KBTBD12: variants seen among roughly 807,000 people sequenced by gnomAD.
The protein encoded by KBTBD12 is kelch repeat and BTB domain containing 12, also known as kelch repeat and BTB domain-containing protein 12.
Under a neutral mutation model 58.7 loss-of-function variants are expected in KBTBD12, and 53 were observed. That is an observed-to-expected ratio of 0.90 (90% CI 0.72 to 1.14). The LOEUF (loss-of-function observed/expected upper bound fraction) is 1.14. Ranked by LOEUF, KBTBD12 falls within the 50% of genes most tolerant of loss-of-function variation. The probability of loss-of-function intolerance (pLI) is 0.00; values close to 1 mark genes in which losing one functional copy is unlikely to be tolerated. For synonymous variants in KBTBD12, 236 were observed against 259.8 expected (o/e 0.91, Z 0.88); for missense variants, 704 against 751.3 (o/e 0.94, Z 0.74).
At chr3:127,926,375 G>T (rs1412193459) in intron 2 of KBTBD12, among the ~76,000 whole-genome samples, 1 of 152,072 alleles carries the variant, frequency 6.6e-6, no homozygotes, top group African/African-American at 2.4e-5. Flanking sequence ...TACTTTGGTA[G>T]CCCCCACATA....
chr3:127,922,825 CTT>C, intron 1 of KBTBD12, 123 bp from the exon 2 acceptor site: 1 of 334,576 alleles, frequency 3.0e-6, no homozygotes, highest in Non-Finnish European at 5.4e-6. Context: ...AAGTAGTTGT[CTT>C]AAACTGCTCT....
At chr3:127,944,857 C>CTATTT (rs1372695230) in intron 4 of KBTBD12, among the ~76,000 whole-genome samples, 2 of 151,810 alleles carry the variant, frequency 1.3e-5, no homozygotes, top group Non-Finnish European at 2.9e-5. Context: ...ACATTTTATT[C>CTATTT]TATTTTATTT....
chr3:127,928,473 G>A (rs781090890), intron 3 of KBTBD12, among the ~76,000 whole-genome samples: 9 of 152,228 alleles, frequency 5.9e-5, no homozygotes, highest in Non-Finnish European at 7.3e-5. Context: ...ACCGATCTGT[G>A]ATGGCACAAT....
chr3:127,972,572 T>C (rs1445151323), intron 5 of KBTBD12, among the ~76,000 whole-genome samples: 1 of 152,206 alleles, frequency 6.6e-6, no homozygotes, highest in Non-Finnish European at 1.5e-5. Context: ...AGGAAGTTGC[T>C]GTATTGTTGG....
intron 4 of KBTBD12, among the ~76,000 whole-genome samples, chr3:127,954,902 T>G (rs1170574456): frequency 6.6e-6 from 1 of 152,210 alleles, no homozygotes; most frequent in South Asian, 2.1e-4. Context: ...CCCATCTCCT[T>G]GTAGTGGTTT....
chr3:127,923,521 A>G lies in KBTBD12; in HGVS notation c.460A>G (p.Lys154Glu). Residue 154 changes from lysine to glutamate, a missense_variant, in exon 2 of 6, where the codon AAA (lysine) becomes GAA (glutamate). Coordinates refer to ENST00000405109, the MANE Select transcript of KBTBD12 (RefSeq NM_207335.4). ...TGAAGATTTATCTGATCGATCAAAGAAATATTTATATCAGCACTTTGCCGA... is the reference window on the plus strand; with the variant it reads ...TGAAGATTTATCTGATCGATCAAAGGAATATTTATATCAGCACTTTGCCGA... ...GAEDLSDRSK[K>E]YLYQHFAEVS... 1 of 1,611,966 alleles carries G rather than the reference A, an allele frequency of 6.2e-7. No individual in the cohort carries two copies. The highest frequency in any genetic ancestry group is 8.5e-7 in the Non-Finnish European group (1 of 1,179,190).
rs143738485 is a variant in KBTBD12, at chr3:127,923,038, G to C, written c.-24G>C. ...TCAAGCTACACTTAAAGAAGACTTA[G>C]TTGGAAACTTTGGAGAGTAGATCAT... On this transcript the variant is annotated 5_prime_UTR_variant, in exon 2 of 6. Transcript: ENST00000405109. 67 of 1,425,376 alleles carry C rather than the reference G, an allele frequency of 4.7e-5. No homozygotes were observed. In the African/African-American group the frequency reaches 8.8e-4, roughly 19 times the overall value. 88.3% of individuals were successfully genotyped at this position (1,425,376 alleles called of 1,614,324 possible). A position where few individuals can be genotyped will look rare whatever the true frequency, so the allele number is the denominator to read the frequency against.
At chr3:127,953,543 G>A (rs545806167) in intron 4 of KBTBD12, among the ~76,000 whole-genome samples, 1 of 152,340 alleles carries the variant, frequency 6.6e-6, no homozygotes, top group African/African-American at 2.4e-5. Flanking sequence ...ACTGACCCTG[G>A]AGGTTTGCTT....
At chr3:127,922,607 C>T (rs1349847522) in intron 1 of KBTBD12, among the ~76,000 whole-genome samples, 2 of 151,994 alleles carry the variant, frequency 1.3e-5, no homozygotes, top group African/African-American at 4.8e-5. Flanking sequence ...TAACTGATGC[C>T]CCTATACCCT....
intron 5 of KBTBD12, among the ~76,000 whole-genome samples, chr3:127,966,342 A>G (rs1940568687): frequency 6.6e-6 from 1 of 152,198 alleles, no homozygotes; most frequent in African/African-American, 2.4e-5. Context: ...AAAGATGAAC[A>G]AGCAACTAAG....
chr3:127,941,526 A>C (rs1939949863), intron 4 of KBTBD12, among the ~76,000 whole-genome samples: 1 of 152,224 alleles, frequency 6.6e-6, no homozygotes, highest in African/African-American at 2.4e-5. Flanking sequence ...GAATTTCCTC[A>C]ACCTCTCAAT....
At chr3:127,962,270 A>G (rs1940456396) in intron 4 of KBTBD12, among the ~76,000 whole-genome samples, 2 of 152,234 alleles carry the variant, frequency 1.3e-5, no homozygotes, top group Admixed American at 1.3e-4. Flanking sequence ...ATGACCTTCC[A>G]GTGTGGACTT....
chr3:127,940,826 AAG>A (rs1939934271), intron 4 of KBTBD12, among the ~76,000 whole-genome samples: 1 of 152,174 alleles, frequency 6.6e-6, no homozygotes, highest in Non-Finnish European at 1.5e-5. Flanking sequence ...AACCAATAAA[AAG>A]AGGAATACAG....
intron 3 of KBTBD12, among the ~76,000 whole-genome samples, chr3:127,929,041 A>G (rs913530609): frequency 2.3e-4 from 35 of 152,222 alleles, no homozygotes; most frequent in Non-Finnish European, 7.3e-5. Flanking sequence ...CCATTTACAT[A>G]GTTAATTTTG....
chr3:127,942,364 T>C (rs1187279736), intron 4 of KBTBD12, among the ~76,000 whole-genome samples: 1 of 152,150 alleles, frequency 6.6e-6, no homozygotes, highest in Non-Finnish European at 1.5e-5. Context: ...CATCATGCTG[T>C]ACTATGGATC....
In KBTBD12 at chr3:127,923,556, A is replaced by T. The variant is rs1325004938; in HGVS notation, c.495A>T (p.Leu165Phe). The T allele has an allele frequency of 6.2e-7, 1 of 1,613,142 alleles. No individual in the cohort carries two copies. The highest frequency in any genetic ancestry group is 2.2e-5 in the East Asian group (1 of 44,892). ...YLYQHFAEVSLHEEILEIEVH... is the reference protein window; with the variant it reads ...YLYQHFAEVSFHEEILEIEVH... ...ATCAGCACTTTGCCGAGGTGAGCTTACATGAAGAAATACTAGAAATCGAAG... is the reference window on the plus strand; with the variant it reads ...ATCAGCACTTTGCCGAGGTGAGCTTTCATGAAGAAATACTAGAAATCGAAG... Residue 165 changes from leucine (L) to phenylalanine (F), a missense_variant, in exon 2 of 6, where the codon TTA becomes TTT. Transcript: ENST00000405109.
At position 127,923,031 on chromosome 3, in the gene KBTBD12, A is replaced by T. The variant is rs1268068592; in HGVS notation, c.-31A>T. 3.8e-6 allele frequency: 5 copies of T among 1,328,408 alleles called. No homozygotes were observed. Among genetic ancestry groups the T allele is most frequent in the Non-Finnish European group, 5.3e-6 (5 of 934,870 alleles). The allele number at this position is 1,328,408 out of a possible 1,614,324, so 82.3% of individuals were successfully genotyped here. A position where few individuals can be genotyped will look rare whatever the true frequency, so the allele number is the denominator to read the frequency against. ...TCAGGAATCAAGCTACACTTAAAGA[A>T]GACTTAGTTGGAAACTTTGGAGAGT... On this transcript the variant is annotated 5_prime_UTR_variant, in exon 2 of 6. In the 5' UTR this introduces an upstream ATG that the reference lacks. Transcript: ENST00000405109.
chr3:127,986,519 C>T lies in KBTBD12; in HGVS notation c.*2241C>T, dbSNP rs1379643596. On this transcript the variant is annotated 3_prime_UTR_variant, in exon 6 of 6. Transcript: ENST00000405109. ...TTTTTTTTTGAGACGGAGTCTCTCT[C>T]TCTCGCCAGGCTGGAGTGCAGTGCA... The T allele has an allele frequency of 6.8e-6, 1 of 147,448 alleles. No individual in the cohort carries two copies. Among genetic ancestry groups the T allele is most frequent in the Non-Finnish European group, 1.5e-5 (1 of 67,464 alleles). 9.1% of individuals were successfully genotyped at this position (147,448 alleles called of 1,614,324 possible).
intron 4 of KBTBD12, among the ~76,000 whole-genome samples, chr3:127,941,079 G>A (rs895335135): frequency 6.6e-6 from 1 of 152,100 alleles, no homozygotes; most frequent in South Asian, 2.1e-4. Context: ...TAAATATCTA[G>A]TTCCAAATGG....
Sources: allele counts gnomAD v4.1 joint callset (sites outside exome capture counted in the v4.1 genomes callset), GRCh38; gene constraint gnomAD v4.1.1; transcripts MANE v1.5; gene names NCBI Gene and HGNC (gene_info 2026-07-23, HGNC 2026-07-21).